FAAH2: variants seen among roughly 807,000 people sequenced by gnomAD.
FAAH2 encodes the protein fatty acid amide hydrolase 2.
Under a neutral mutation model 36.9 loss-of-function variants are expected in FAAH2, and 60 were observed. The ratio of observed to expected loss-of-function variants is 1.63; its 90% CI spans 1.32 to 2.02. The LOEUF is 2.02. FAAH2 is among the 30% of genes most tolerant of loss of function. FAAH2 has a pLI of 0.00. For synonymous variants in FAAH2, 214 were observed against 143.8 expected, an observed-to-expected ratio of 1.49 and a Z score of -3.49; for missense variants, 689 against 397.5, an observed-to-expected ratio of 1.73 and a Z score of -6.23.
the FAAH2 span, among the ~76,000 whole-genome samples, chrX:57,162,569 C>CT: frequency 9.0e-5 from 10 of 111,343 alleles, no homozygotes; most frequent in East Asian, 2.5e-3. Flanking sequence ...TCTTTTTATT[C>CT]TTTTTTCTCT....
In FAAH2 at chrX:57,330,203, C is replaced by G. The variant is rs2053360137; in HGVS notation, c.413-1395C>G. Among the ~76,000 whole-genome samples, 3 of 111,835 alleles carry G rather than the reference C, an allele frequency of 2.7e-5. No homozygotes were observed. The South Asian group carries it at 1.1e-3, about 42-fold the overall frequency. ...AGTCATATTTCTCTTCTTTCAAAAG[C>G]AAATGGGAGAAATATCACTGAATTC... On this transcript the variant is annotated intron_variant, in intron 3 of 10. Coordinates refer to ENST00000374900, the MANE Select transcript of FAAH2 (RefSeq NM_174912.4).
the FAAH2 span, chrX:57,137,053 A>G: frequency 1.2e-6 from 1 of 810,934 alleles, no homozygotes; most frequent in East Asian, 1.1e-4. Context: ...CTCACCTTCA[A>G]ATCCTTGTCT....
upstream of FAAH2, among the ~76,000 whole-genome samples, chrX:57,286,243 A>C (rs2051808463): frequency 8.9e-6 from 1 of 112,012 alleles, no homozygotes; most frequent in South Asian, 3.7e-4. Flanking sequence ...GGATTAAATA[A>C]TATGCATATG....
intron 4 of FAAH2, among the ~76,000 whole-genome samples, chrX:57,339,399 C>G (rs1602330159): frequency 9.0e-6 from 1 of 111,632 alleles, no homozygotes; most frequent in East Asian, 2.8e-4. Context: ...GCAACAAAAG[C>G]AAAAATTGAC....
At chrX:57,255,921 G>A in the FAAH2 span, among the ~76,000 whole-genome samples, 1 of 111,574 alleles carries the variant, frequency 9.0e-6, no homozygotes, top group African/African-American at 3.3e-5. Flanking sequence ...GGAATTTCTG[G>A]CCAGGGCAAT....
chrX:57,483,754 C>T (rs1449609646), intron 10 of FAAH2, among the ~76,000 whole-genome samples: 1 of 100,469 alleles, frequency 1.0e-5, no homozygotes, highest in Non-Finnish European at 2.0e-5. Flanking sequence ...GGCTCTGCTC[C>T]TATTTCCTGT....
Position 57,389,389 on chromosome X carries a change from C to T in FAAH2, c.996+8360C>T, listed in dbSNP as rs981475791. ...GCTTTATTTCATCCCCTTACCCCAC[C>T]CCAATTCCTGGCAACTACGATTCTA... On this transcript the variant is annotated intron_variant, in intron 7 of 10. Transcript: ENST00000374900. 1.0e-4 allele frequency among the ~76,000 whole-genome samples: 11 copies of T among 106,475 alleles called. No individual in the cohort carries two copies. The Admixed American group carries it at 1.1e-3, about 11-fold the overall frequency. 92.5% of individuals were successfully genotyped at this position (106,475 alleles called of 115,157 possible).
chrX:57,140,487 C>G, the FAAH2 span, among the ~76,000 whole-genome samples: 14 of 103,523 alleles, frequency 1.4e-4, no homozygotes, highest in South Asian at 6.2e-3. Context: ...CCCAGCTACT[C>G]AGGAGGCTGA....
the FAAH2 span, among the ~76,000 whole-genome samples, chrX:57,272,044 G>A: frequency 9.2e-6 from 1 of 108,902 alleles, no homozygotes; most frequent in Admixed American, 1.0e-4. Flanking sequence ...AATAACTAAT[G>A]TAGAGAAGAA....
At chrX:57,426,759 A>C (rs1452731840) in intron 7 of FAAH2, among the ~76,000 whole-genome samples, 4 of 111,689 alleles carry the variant, frequency 3.6e-5, no homozygotes, top group African/African-American at 1.3e-4. Context: ...TGGTATTTAC[A>C]TGGAAGTTTA....
At chrX:57,328,337 C>A (rs1259844349) in intron 3 of FAAH2, among the ~76,000 whole-genome samples, 7 of 111,726 alleles carry the variant, frequency 6.3e-5, no homozygotes, top group Non-Finnish European at 1.3e-4. Context: ...AAGCTGCGTG[C>A]TGGGAGAACC....
chrX:57,432,638 C>A (rs752548597), intron 8 of FAAH2, among the ~76,000 whole-genome samples: 1 of 111,356 alleles, frequency 9.0e-6, no homozygotes, highest in Non-Finnish European at 1.9e-5. Flanking sequence ...TTTTTTCAGG[C>A]TTGCTGAAGA....
At chrX:57,380,511 C>A (rs766223196) in intron 6 of FAAH2, among the ~76,000 whole-genome samples, 3 of 112,192 alleles carry the variant, frequency 2.7e-5, no homozygotes, top group African/African-American at 9.7e-5. Context: ...AACCCAGTTG[C>A]TAAAGCCTCA....
chrX:57,388,497 A>G (rs1302887596), intron 7 of FAAH2, among the ~76,000 whole-genome samples: 2 of 111,262 alleles, frequency 1.8e-5, no homozygotes, highest in African/African-American at 3.3e-5. Flanking sequence ...TATTTTTAGA[A>G]CAGTTATATA....
At chrX:57,435,425 T>G (rs759822494) in intron 8 of FAAH2, among the ~76,000 whole-genome samples, 1 of 110,860 alleles carries the variant, frequency 9.0e-6, no homozygotes, top group East Asian at 2.8e-4. Flanking sequence ...AGAAACATGA[T>G]CCATCTAAAT....
rs2053361584 is a variant in FAAH2 at position 57,330,255 on chromosome X, G to GAA, written c.413-1341_413-1340dup. ...GTTTCTCAGCAAGGAACATCCCTGA[G>GAA]AAAGAGAATGCGCCCCAAGGGTGGG... On this transcript the variant is annotated intron_variant, in intron 3 of 10. Transcript: ENST00000374900. Among the ~76,000 whole-genome samples, 6 of 111,936 alleles carry GAA rather than the reference G, an allele frequency of 5.4e-5. No homozygotes were observed. In the South Asian group the frequency reaches 1.5e-3, roughly 28 times the overall value.
the FAAH2 span, among the ~76,000 whole-genome samples, chrX:57,274,192 C>T: frequency 1.8e-5 from 2 of 111,905 alleles, no homozygotes; most frequent in African/African-American, 6.5e-5. Context: ...CACATACACC[C>T]TCACAAGTCT....
the FAAH2 span, among the ~76,000 whole-genome samples, chrX:57,130,142 TATC>T: frequency 1.8e-5 from 2 of 112,426 alleles, no homozygotes; most frequent in Non-Finnish European, 3.8e-5. Context: ...TTGGGGGCAA[TATC>T]ATCCTGTTTG....
At chrX:57,389,440 T>C (rs897182605) in intron 7 of FAAH2, among the ~76,000 whole-genome samples, 1 of 108,494 alleles carries the variant, frequency 9.2e-6, no homozygotes. Context: ...AATTTGACTT[T>C]TTTAGATTAC....
Sources: gnomAD v4.1 joint callset for allele counts (sites outside exome capture counted in the v4.1 genomes callset) on GRCh38, gnomAD v4.1.1 for gene constraint, MANE v1.5 for transcripts, NCBI Gene and HGNC (gene_info 2026-07-23, HGNC 2026-07-21) for gene names.